The following STK38 variants were observed in gnomAD, a reference collection of about 807,000 sequenced individuals.
The protein encoded by STK38 is serine/threonine kinase 38, also known as serine/threonine-protein kinase 38.
Under a neutral mutation model 59.0 loss-of-function variants are expected in STK38, and 26 were observed. The observed-to-expected ratio is 0.44, with a 90% CI of 0.32 to 0.61. STK38 has a LOEUF of 0.61. Ranked by LOEUF, STK38 falls within the 20% of genes least tolerant of loss-of-function variation. STK38 has a pLI of 0.04. For synonymous variants in STK38, 175 were observed against 176.6 expected, an observed-to-expected ratio of 0.99 and a Z score of 0.07; for missense variants, 433 against 566.0, an observed-to-expected ratio of 0.76 and a Z score of 2.38.
intron 2 of STK38, among the ~76,000 whole-genome samples, chr6:36,530,771 C>T (rs1777648810): frequency 6.6e-6 from 1 of 151,164 alleles, no homozygotes; most frequent in Admixed American, 6.6e-5. Flanking sequence ...CTCACTGCAA[C>T]CTCTGCTTCC....
At chr6:36,503,678 A>G (rs1776893975) in intron 9 of STK38, among the ~76,000 whole-genome samples, 1 of 152,184 alleles carries the variant, frequency 6.6e-6, no homozygotes, top group Non-Finnish European at 1.5e-5. Flanking sequence ...TTTCCATTAT[A>G]AAACCAGAGG....
At chr6:36,542,827 T>C (rs1777971574) in intron 1 of STK38, among the ~76,000 whole-genome samples, 1 of 147,904 alleles carries the variant, frequency 6.8e-6, no homozygotes, top group Non-Finnish European at 1.5e-5. Context: ...GCGCCTATAA[T>C]CCCAGCTACT....
At chr6:36,544,385 G>A (rs947777889) in intron 1 of STK38, among the ~76,000 whole-genome samples, 1 of 151,800 alleles carries the variant, frequency 6.6e-6, no homozygotes, top group Non-Finnish European at 1.5e-5. Flanking sequence ...CTTGGGTGTG[G>A]TTCCTTATTT....
chr6:36,532,089 TATC>T (rs1321949395), intron 2 of STK38, among the ~76,000 whole-genome samples: 1 of 152,156 alleles, frequency 6.6e-6, no homozygotes, highest in African/African-American at 2.4e-5. Context: ...AATTATCTCA[TATC>T]ATCAAAACTG....
chr6:36,518,908 G>A (rs866439945), intron 5 of STK38, among the ~76,000 whole-genome samples: 2 of 152,140 alleles, frequency 1.3e-5, no homozygotes, highest in Non-Finnish European at 2.9e-5. Context: ...TTTAGTCCAT[G>A]GCTGTTGGCA....
intron 5 of STK38, among the ~76,000 whole-genome samples, chr6:36,520,582 G>C (rs921478033): frequency 1.3e-5 from 2 of 152,286 alleles, no homozygotes; most frequent in African/African-American, 2.4e-5. Flanking sequence ...TCCTTCTCAA[G>C]ATTAACTGAA....
At chr6:36,503,478 C>A (rs1179095170) in intron 9 of STK38, among the ~76,000 whole-genome samples, 1 of 150,554 alleles carries the variant, frequency 6.6e-6, no homozygotes, top group Non-Finnish European at 1.5e-5. Context: ...TATTTAAATG[C>A]AGATATTAAC....
At chr6:36,515,555 C>CACAA (rs1777230501) in intron 6 of STK38, 63 bp from the exon 7 acceptor site, 1 of 1,515,482 alleles carries the variant, frequency 6.6e-7, no homozygotes, top group African/African-American at 1.5e-5. Flanking sequence ...CACACACACA[C>CACAA]AACATACGAG....
chr6:36,495,715 G>C lies in STK38; in HGVS notation c.*69C>G. The C allele has an allele frequency of 6.3e-7, 1 of 1,598,570 alleles. No homozygotes were observed. The highest frequency in any genetic ancestry group is 1.7e-5 in the Admixed American group (1 of 59,302). The stretch of plus-strand genomic sequence containing the variant: ...CATCAACTTCTTGGAAGCTCTTCAA[G>C]AGTGTGAGAGGAAAAGCATGATGTT... On this transcript the variant is annotated 3_prime_UTR_variant, in exon 14 of 14. Transcript: ENST00000229812.
In STK38 at chr6:36,498,380, G is replaced by A; in HGVS notation, c.1059C>T (p.Ala353=). ...TCTAATACCTCAAAATTAGATCCTT[G>A]GCTTTCTCAGAGATGGGAACTTCTG... is the stretch of plus-strand genomic sequence containing the variant. ...FPPEVPISEK[A]KDLILRFCCE... is the part of the protein sequence containing the mutation. The change falls in exon 11 of 14, where the codon GCC becomes GCT. Residue 353 remains alanine, a synonymous_variant. Transcript: ENST00000229812. The A allele has an allele frequency of 6.2e-7, 1 of 1,613,630 alleles. No individual in the cohort carries two copies. Among genetic ancestry groups the A allele is most frequent in the Non-Finnish European group, 8.5e-7 (1 of 1,179,864 alleles).
At chr6:36,538,735 T>C (rs780186339) in intron 2 of STK38, among the ~76,000 whole-genome samples, 11 of 151,474 alleles carry the variant, frequency 7.3e-5, no homozygotes, top group Non-Finnish European at 1.6e-4. Flanking sequence ...CTACTAAAAA[T>C]ACAAAAATTA....
chr6:36,503,112 T>G (rs1023984554), intron 9 of STK38, among the ~76,000 whole-genome samples: 3 of 152,238 alleles, frequency 2.0e-5, no homozygotes, highest in Non-Finnish European at 4.4e-5. Flanking sequence ...GGCCTATGAC[T>G]AGGGGTAGAA....
chr6:36,498,622 C>G (rs1441787922), intron 10 of STK38, 136 bp from the exon 11 acceptor site: 31 of 978,210 alleles, frequency 3.2e-5, no homozygotes, highest in South Asian at 3.0e-4. Context: ...GGGTCTCACT[C>G]TGTTACCTAG....
rs1260519658 is a variant in STK38 at position 36,547,208 on chromosome 6, A to T, written c.-24T>A. 1.3e-5 allele frequency: 2 copies of T among 152,826 alleles called. No homozygotes were observed. The highest frequency in any genetic ancestry group is 2.9e-5 in the Non-Finnish European group (2 of 68,440). The allele number at this position is 152,826 out of a possible 1,614,324, so 9.5% of individuals were successfully genotyped here. On this transcript the variant is annotated 5_prime_UTR_variant, in exon 1 of 14. Coordinates refer to ENST00000229812, the MANE Select transcript of STK38 (RefSeq NM_007271.4). ...AACTCACCAGAGCCCAGGGAGAGGC[A>T]GGGCTGGGGACGGCGGAGAGCCGCA...
intron 1 of STK38, among the ~76,000 whole-genome samples, chr6:36,543,064 G>A (rs528618296): frequency 1.5e-4 from 23 of 152,018 alleles, no homozygotes; most frequent in Admixed American, 7.9e-4. Flanking sequence ...TGGCAATAGC[G>A]CTCAATTTTT....
chr6:36,525,737 G>T, intron 2 of STK38, 95 bp from the exon 3 acceptor site: 2 of 946,590 alleles, frequency 2.1e-6, no homozygotes, highest in South Asian at 3.3e-5. Flanking sequence ...TTTTAAAAAT[G>T]ACACAAACAG....
At position 36,499,904 on chromosome 6, in the gene STK38, C is replaced by G. The variant is rs760927651; in HGVS notation, c.921G>C (p.Ser307=). 1.2e-6 allele frequency: 2 copies of G among 1,613,984 alleles called. No homozygotes were observed. The highest frequency in any genetic ancestry group is 1.7e-6 in the Non-Finnish European group (2 of 1,179,936). The part of the protein sequence containing the change: ...TGYNKLCDWW[S]LGVIMYEMLI... ...GCATCTCATACATGATCACCCCAAG[C>G]GACCACCAATCACAGAGCTTGTTGT... Residue 307 remains serine, a synonymous_variant, in exon 10 of 14, where the codon TCG becomes TCC. Coordinates refer to ENST00000229812, the MANE Select transcript of STK38 (RefSeq NM_007271.4).
rs184777137 is a variant in STK38 at position 36,528,427 on chromosome 6, C to T, written c.132-2785G>A. ...GAAAACTAGAATGAAGTGAATAGAG[C>T]TATTGCAAATATGACCAACTGGCAA... On this transcript the variant is annotated intron_variant, in intron 2 of 13. Transcript: ENST00000229812. Among the ~76,000 whole-genome samples, 634 of 152,250 alleles carry T rather than the reference C, an allele frequency of 4.2e-3. 4 individuals are homozygous for T. Among genetic ancestry groups the T allele is most frequent in the Middle Eastern group, 0.017 (5 of 294 alleles).
intron 7 of STK38, among the ~76,000 whole-genome samples, chr6:36,510,801 G>A (rs960854167): frequency 2.6e-4 from 39 of 152,250 alleles, no homozygotes; most frequent in Admixed American, 5.2e-4. Flanking sequence ...TTAAAATGGC[G>A]GAACCAAAAG....
Sources: allele counts gnomAD v4.1 joint callset (sites outside exome capture counted in the v4.1 genomes callset), GRCh38; gene constraint gnomAD v4.1.1; transcripts MANE v1.5; gene names NCBI Gene and HGNC (gene_info 2026-07-23, HGNC 2026-07-21).